DYNC2H1: variants seen among roughly 807,000 people sequenced by gnomAD.
The protein encoded by DYNC2H1 is dynein cytoplasmic 2 heavy chain 1.
Under a neutral mutation model 570.0 loss-of-function variants are expected in DYNC2H1, and 410 were observed. The ratio of observed to expected loss-of-function variants is 0.72; its 90% confidence interval spans 0.66 to 0.78. The LOEUF (loss-of-function observed/expected upper bound fraction) is 0.78, where lower values mean the gene tolerates loss of function less well. DYNC2H1 is among the 30% of genes least tolerant of loss of function. DYNC2H1 has a pLI of 0.00. For synonymous variants in DYNC2H1, 1,688 were observed against 1,677.6 expected (o/e 1.01, Z -0.15); for missense variants, 4,865 against 5,046.4 (o/e 0.96, Z 1.09).
chr11:103,295,474 T>A (rs4145705), intron 75 of DYNC2H1, among the ~76,000 whole-genome samples: 25,205 of 152,132 alleles, frequency 0.17, 2,277 homozygotes, highest in Admixed American at 0.25. Context: ...CTCCCTCAAC[T>A]TAGGGAGGAG....
chr11:103,355,673 T>C (rs1219635665), intron 82 of DYNC2H1, among the ~76,000 whole-genome samples: 1 of 152,090 alleles, frequency 6.6e-6, no homozygotes, highest in African/African-American at 2.4e-5. Context: ...TAGGAGTGGG[T>C]TTCCTACAAT....
chr11:103,145,668 A>G lies in DYNC2H1; in HGVS notation c.2703-2104A>G, dbSNP rs537118260. On this transcript the variant is annotated intron_variant, in intron 18 of 88. Coordinates refer to ENST00000375735, the MANE Select transcript of DYNC2H1 (RefSeq NM_001377.3). This position sits in a 1 kb window ranked among gnomAD's most constrained non-coding sequence, Gnocchi z 4.2. ...TAAGTGAATACATACATATGCACAT[A>G]CAAACATACACATTTATTTCATCGG... Among the ~76,000 whole-genome samples the G allele has an allele frequency of 8.5e-5, 13 of 152,232 alleles. No homozygotes were observed. The highest frequency in any genetic ancestry group is 1.6e-4 in the Non-Finnish European group (11 of 68,040).
intron 47 of DYNC2H1, among the ~76,000 whole-genome samples, chr11:103,197,225 A>G (rs907189063): frequency 4.6e-5 from 7 of 151,888 alleles, no homozygotes; most frequent in Non-Finnish European, 8.8e-5. Context: ...TGCTAATTTT[A>G]TGTGAACTAT....
At chr11:103,220,936 A>C (rs756666054) in intron 57 of DYNC2H1, among the ~76,000 whole-genome samples, 153 bp downstream of exon 57, 4 of 152,138 alleles carry the variant, frequency 2.6e-5, no homozygotes, top group Non-Finnish European at 4.4e-5. Context: ...ATTCTATGTA[A>C]TCATATATCA....
At chr11:103,442,360 C>T (rs1449946320) in intron 85 of DYNC2H1, among the ~76,000 whole-genome samples, 1 of 151,994 alleles carries the variant, frequency 6.6e-6, no homozygotes, top group African/African-American at 2.4e-5. Flanking sequence ...TAATATATGG[C>T]CAAGCTTTAA....
rs1860063439 is a variant in DYNC2H1 at position 103,143,376 on chromosome 11, G to C, written c.2683G>C (p.Glu895Gln). The C allele has an allele frequency of 6.2e-7, 1 of 1,610,560 alleles. No individual in the cohort carries two copies. The highest frequency in any genetic ancestry group is 1.3e-5 in the African/African-American group (1 of 74,714). Residue 895 changes from glutamate (E) to glutamine (Q), a missense_variant, in exon 18 of 89, where the codon GAA becomes CAA. By Grantham distance (29) the Glu-to-Gln change is conservative. Coordinates refer to ENST00000375735, the MANE Select transcript of DYNC2H1 (RefSeq NM_001377.3). ...NFKALKIKGK[E>Q]VERLPSAVKV... ...TAAAGCATTAAAAATAAAGGGGAAA[G>C]AAGTAGAACGACTTCCAAGGTATTG...
At chr11:103,353,433 A>T (rs1940150180) in intron 82 of DYNC2H1, among the ~76,000 whole-genome samples, 1 of 152,182 alleles carries the variant, frequency 6.6e-6, no homozygotes, top group African/African-American at 2.4e-5. Context: ...AGAAACCCAC[A>T]TTAACTGTCC....
At chr11:103,183,182 G>C (rs1344999738) in intron 40 of DYNC2H1, among the ~76,000 whole-genome samples, 3 of 151,870 alleles carry the variant, frequency 2.0e-5, no homozygotes, top group African/African-American at 7.2e-5. Context: ...TGATAGTATT[G>C]TGCTTAATTA....
rs117659360 is a variant in DYNC2H1 at position 103,207,963 on chromosome 11, G to A, written c.8455-1913G>A. Among the ~76,000 whole-genome samples, 14 of 152,212 alleles carry A rather than the reference G, an allele frequency of 9.2e-5. No individual in the cohort carries two copies. The East Asian group carries it at 2.7e-3, about 29-fold the overall frequency. On this transcript the variant is annotated intron_variant, in intron 52 of 88. Coordinates refer to ENST00000375735, the MANE Select transcript of DYNC2H1 (RefSeq NM_001377.3). ...GGAAGATGGTGAATGACAGTGAAGAGGTGGTCAAATTGGTAGATAGTAGGT... is the reference window on the plus strand; with the variant it reads ...GGAAGATGGTGAATGACAGTGAAGAAGTGGTCAAATTGGTAGATAGTAGGT...
chr11:103,145,691 C>T lies in DYNC2H1; in HGVS notation c.2703-2081C>T, dbSNP rs1375055792. ...ATACAAACATACACATTTATTTCATCGGTACTTTTTGGAAATGCTGTAAGA... is the reference window on the plus strand; with the variant it reads ...ATACAAACATACACATTTATTTCATTGGTACTTTTTGGAAATGCTGTAAGA... On this transcript the variant is annotated intron_variant, in intron 18 of 88. Coordinates refer to ENST00000375735, the MANE Select transcript of DYNC2H1 (RefSeq NM_001377.3). The surrounding 1 kb of genome is among the most constrained non-coding windows in gnomAD (Gnocchi z 4.2). Among the ~76,000 whole-genome samples, 3 of 152,126 alleles carry T rather than the reference C, an allele frequency of 2.0e-5. No homozygotes were observed. The highest frequency in any genetic ancestry group is 2.9e-5 in the Non-Finnish European group (2 of 68,012).
chr11:103,227,395 A>G (rs1363687277), intron 59 of DYNC2H1, among the ~76,000 whole-genome samples: 1 of 152,188 alleles, frequency 6.6e-6, no homozygotes, highest in Admixed American at 6.5e-5. Flanking sequence ...ATTATAATTC[A>G]GTTCAAACAA....
At chr11:103,440,006 C>G (rs1352232822) in intron 85 of DYNC2H1, among the ~76,000 whole-genome samples, 1 of 152,092 alleles carries the variant, frequency 6.6e-6, no homozygotes. Flanking sequence ...GATGATCATT[C>G]TAAATTCTAG....
chr11:103,234,938 C>T (rs1864165044), intron 61 of DYNC2H1, among the ~76,000 whole-genome samples: 1 of 151,862 alleles, frequency 6.6e-6, no homozygotes, highest in South Asian at 2.1e-4. Flanking sequence ...GTCTTAGACT[C>T]TTCCCTGTTT....
intron 88 of DYNC2H1, among the ~76,000 whole-genome samples, chr11:103,477,567 C>T (rs151149778): frequency 6.6e-6 from 1 of 152,106 alleles, no homozygotes; most frequent in East Asian, 1.9e-4. Context: ...TGCAGTGGCT[C>T]ACGCCTGTAA....
chr11:103,392,076 T>G (rs1942178261), intron 83 of DYNC2H1, among the ~76,000 whole-genome samples: 2 of 152,232 alleles, frequency 1.3e-5, no homozygotes, highest in Non-Finnish European at 2.9e-5. Flanking sequence ...GCCTTTTGTT[T>G]GGCTATGCCC....
chr11:103,257,942 A>G (rs538546177), intron 69 of DYNC2H1, among the ~76,000 whole-genome samples, 191 bp downstream of exon 69: 1 of 152,346 alleles, frequency 6.6e-6, no homozygotes, highest in African/African-American at 2.4e-5. Context: ...AAGGTGTCCC[A>G]ATGTGACAAT....
At chr11:103,433,384 T>G (rs1943961965) in intron 84 of DYNC2H1, among the ~76,000 whole-genome samples, 1 of 152,130 alleles carries the variant, frequency 6.6e-6, no homozygotes, top group Non-Finnish European at 1.5e-5. Context: ...GTAACTCTCT[T>G]AACCATCTAT....
At chr11:103,428,937 C>T (rs1414766403) in intron 84 of DYNC2H1, among the ~76,000 whole-genome samples, 1 of 151,992 alleles carries the variant, frequency 6.6e-6, no homozygotes, top group Non-Finnish European at 1.5e-5. Context: ...AGTGTAATCT[C>T]TTAAGATAAC....
chr11:103,231,218 T>C lies in DYNC2H1; in HGVS notation c.9354-42T>C, dbSNP rs370206361. The C allele has an allele frequency of 8.1e-5, 103 of 1,266,214 alleles. No individual in the cohort carries two copies. In the African/African-American group the frequency reaches 1.3e-3, roughly 16 times the overall value. 78.4% of individuals were successfully genotyped at this position (1,266,214 alleles called of 1,614,324 possible). A position where few individuals can be genotyped will look rare whatever the true frequency, so the allele number is the denominator to read the frequency against. ...TGCTGCTGCTGCTTTATAGTTGATA[T>C]CTAAAATAGAATGACTTGTATAATA... On this transcript the variant is annotated intron_variant, in intron 59 of 88. Transcript: ENST00000375735.
Sources: gnomAD v4.1 joint callset for allele counts (sites outside exome capture counted in the v4.1 genomes callset) on GRCh38, gnomAD v4.1.1 for gene constraint, Gnocchi (gnomAD v3.1) non-coding constraint, MANE v1.5 for transcripts, NCBI Gene and HGNC (gene_info 2026-07-23, HGNC 2026-07-21) for gene names.